Variants in NEO1 observed in about 807,000 individuals in gnomAD.
The protein encoded by NEO1 is neogenin.
Under a neutral mutation model 159.7 loss-of-function variants are expected in NEO1, and 63 were observed. The ratio of observed to expected loss-of-function variants is 0.39; its 90% CI spans 0.32 to 0.49. NEO1 has a LOEUF of 0.49. NEO1 is among the 20% of genes least tolerant of loss of function. The pLI, the probability that NEO1 is intolerant of heterozygous loss-of-function variation, is 0.85. For missense variants in NEO1, 1,615 were observed against 1,831.0 expected, an observed-to-expected ratio of 0.88 and a Z score of 2.15; for synonymous variants, 633 against 662.0, an observed-to-expected ratio of 0.96 and a Z score of 0.67.
At chr15:73,052,834 C>T (rs2067519539) in intron 1 of NEO1, 29 bp downstream of exon 1, 4 of 519,116 alleles carry the variant, frequency 7.7e-6, no homozygotes, top group Non-Finnish European at 1.0e-5. Flanking sequence ...CCCGGGGGTT[C>T]GCGGGGGCGC....
intron 5 of NEO1, among the ~76,000 whole-genome samples, chr15:73,173,642 A>G (rs971728590): frequency 6.6e-6 from 1 of 152,212 alleles, no homozygotes; most frequent in African/African-American, 2.4e-5. Context: ...GAACTTATAA[A>G]TTTTACCATA....
chr15:73,198,563 G>A (rs889329895), intron 7 of NEO1, among the ~76,000 whole-genome samples: 1 of 151,268 alleles, frequency 6.6e-6, no homozygotes, highest in African/African-American at 2.4e-5. Flanking sequence ...GAATAAAACC[G>A]CCAGTTTCAT....
rs140990025 is a variant in NEO1 at position 73,263,893 on chromosome 15, T to A, written c.2399-2423T>A. Among the ~76,000 whole-genome samples, 550 of 152,222 alleles carry A rather than the reference T, an allele frequency of 3.6e-3. 4 individuals are homozygous for A. The highest frequency in any genetic ancestry group is 6.3e-3 in the Non-Finnish European group (430 of 67,996). ...CAAAAGGAAAGCTTTGCTGGTAGAATAAAAATGTCTGGCCAGGCACAGTGG... is the reference window on the plus strand; with the variant it reads ...CAAAAGGAAAGCTTTGCTGGTAGAAAAAAAATGTCTGGCCAGGCACAGTGG... On this transcript the variant is annotated intron_variant, in intron 15 of 28. Coordinates refer to ENST00000261908, the MANE Select transcript of NEO1 (RefSeq NM_002499.4).
intron 7 of NEO1, among the ~76,000 whole-genome samples, chr15:73,227,773 G>A (rs2038674849): frequency 6.6e-6 from 1 of 152,204 alleles, no homozygotes; most frequent in Admixed American, 6.5e-5. Flanking sequence ...CATAGTAGCA[G>A]TATGAACAAA....
rs1445678351 is a variant in NEO1 at position 73,260,480 on chromosome 15, T to C, written c.2398+15T>C. The C allele has an allele frequency of 3.2e-6, 5 of 1,543,044 alleles. No homozygotes were observed. Among genetic ancestry groups the C allele is most frequent in the South Asian group, 2.5e-5 (2 of 80,944 alleles). ...TGAAAATCTGGGTATGTTTGCTAAG[T>C]AGAGAAAGTTAATTGTGTGGGAGAT... is the stretch of plus-strand genomic sequence containing the variant. On this transcript the variant is annotated intron_variant, in intron 15 of 28. Transcript: ENST00000261908.
intron 2 of NEO1, among the ~76,000 whole-genome samples, chr15:73,118,867 T>C (rs968128428): frequency 6.6e-6 from 1 of 152,224 alleles, no homozygotes; most frequent in African/African-American, 2.4e-5. Context: ...GATTTCTTTA[T>C]TGATGAACAA....
At chr15:73,066,229 G>T (rs2068213293) in intron 1 of NEO1, among the ~76,000 whole-genome samples, 1 of 17,644 alleles carries the variant, frequency 5.7e-5, no homozygotes, top group Admixed American at 6.9e-4. Context: ...GTTTCATCGT[G>T]TTAGCCAGGA....
At chr15:73,193,752 A>G (rs1038066479) in intron 7 of NEO1, among the ~76,000 whole-genome samples, 1 of 151,512 alleles carries the variant, frequency 6.6e-6, no homozygotes, top group African/African-American at 2.4e-5. Flanking sequence ...GCCAGGGTAA[A>G]GATTTTGGAT....
chr15:73,113,328 T>C (rs1001778557), intron 1 of NEO1, among the ~76,000 whole-genome samples: 13 of 152,300 alleles, frequency 8.5e-5, no homozygotes, highest in African/African-American at 2.6e-4. Context: ...ACTTTAACCA[T>C]TGGAAGTTTT....
intron 5 of NEO1, 107 bp from the exon 6 acceptor site, chr15:73,176,293 AAAT>A (rs1324909983): frequency 3.0e-6 from 2 of 658,600 alleles, no homozygotes; most frequent in African/African-American, 1.9e-5. Context: ...TGAAAGCTTC[AAAT>A]AATGAGTAAA....
chr15:73,052,323 C>T (rs2067477535), upstream of NEO1, among the ~76,000 whole-genome samples: 1 of 141,000 alleles, frequency 7.1e-6, no homozygotes, highest in African/African-American at 2.6e-5. Flanking sequence ...CCGCCCCCGC[C>T]GTCCGCGGTC....
chr15:73,105,125 T>A (rs990048821), intron 1 of NEO1, among the ~76,000 whole-genome samples: 2 of 152,196 alleles, frequency 1.3e-5, no homozygotes, highest in Non-Finnish European at 2.9e-5. Context: ...TCAGTATCAG[T>A]GAAGTGTTTT....
rs190866611 is a variant in NEO1 at position 73,279,506 on chromosome 15, G to A, written c.3262+1307G>A. ...TGGGATTACAAGCGCCTGCCACCAC[G>A]CCCAGCTAATTTTTGTGTTTTTAGT... On this transcript the variant is annotated intron_variant, in intron 22 of 28. Coordinates refer to ENST00000261908, the MANE Select transcript of NEO1 (RefSeq NM_002499.4). Among the ~76,000 whole-genome samples, 240 of 151,894 alleles carry A rather than the reference G, an allele frequency of 1.6e-3. 1 individual carries two copies. Among genetic ancestry groups the A allele is most frequent in the Admixed American group, 2.4e-3 (36 of 15,240 alleles).
upstream of NEO1, among the ~76,000 whole-genome samples, chr15:73,052,278 T>C (rs917280740): frequency 4.3e-4 from 60 of 139,404 alleles, no homozygotes; most frequent in African/African-American, 1.4e-3. Flanking sequence ...CGTGCGCGTG[T>C]GCGCGCCCGG....
At chr15:73,134,309 G>A (rs894202300) in intron 4 of NEO1, among the ~76,000 whole-genome samples, 2 of 152,118 alleles carry the variant, frequency 1.3e-5, no homozygotes, top group Non-Finnish European at 2.9e-5. Context: ...GCTTGATAAA[G>A]GTTAGTCATG....
intron 7 of NEO1, among the ~76,000 whole-genome samples, chr15:73,219,897 G>A (rs1227893156): frequency 6.6e-6 from 1 of 150,792 alleles, no homozygotes; most frequent in Non-Finnish European, 1.5e-5. Flanking sequence ...TCTGTGTCTT[G>A]TAATTGGAGC....
intron 1 of NEO1, among the ~76,000 whole-genome samples, chr15:73,068,825 C>T (rs928056874): frequency 9.9e-5 from 15 of 152,014 alleles, no homozygotes; most frequent in African/African-American, 3.6e-4. Flanking sequence ...AGTTTGATGT[C>T]TGATCCAATT....
rs568676963 is a variant in NEO1 at position 73,084,200 on chromosome 15, A to T, written c.130+31395A>T. 7.7e-4 allele frequency among the ~76,000 whole-genome samples: 117 copies of T among 152,230 alleles called. 1 individual carries two copies. The highest frequency in any genetic ancestry group is 2.7e-3 in the African/African-American group (113 of 41,528). On this transcript the variant is annotated intron_variant, in intron 1 of 28. Transcript: ENST00000261908. ...TCCCAGCGATTTTCAAGAATATAAT[A>T]CATTGTTATAATATTAACTACACTA...
At chr15:73,067,109 T>TGGA (rs2068261252) in intron 1 of NEO1, among the ~76,000 whole-genome samples, 1 of 152,240 alleles carries the variant, frequency 6.6e-6, no homozygotes, top group African/African-American at 2.4e-5. Context: ...TCATCACATG[T>TGGA]AGTCTGCTGT....
Sources: gnomAD v4.1 joint callset for allele counts (sites outside exome capture counted in the v4.1 genomes callset) on GRCh38, gnomAD v4.1.1 for gene constraint, MANE v1.5 for transcripts, NCBI Gene and HGNC (gene_info 2026-07-23, HGNC 2026-07-21) for gene names.